Variants in SAGE1 observed in about 807,000 individuals in gnomAD.
SAGE1 encodes the protein sarcoma antigen 1.
A neutral mutation model predicts 55.4 loss-of-function variants in SAGE1; 55 were observed. The ratio of observed to expected loss-of-function variants is 0.99; its 90% CI spans 0.80 to 1.24. The LOEUF (loss-of-function observed/expected upper bound fraction) is 1.24. Ranked by LOEUF, SAGE1 falls within the 50% of genes most tolerant of loss-of-function variation. The pLI is 0.00. For missense variants in SAGE1, 710 were observed against 704.4 expected (o/e 1.01, Z -0.09); for synonymous variants, 240 against 244.3 (o/e 0.98, Z 0.17).
At chrX:135,904,289 G>A (rs191499936) in intron 3 of SAGE1, among the ~76,000 whole-genome samples, 188 bp from the exon 4 acceptor site, 17 of 111,670 alleles carry the variant, frequency 1.5e-4, no homozygotes, top group Admixed American at 6.7e-4. Flanking sequence ...GCATAGTGTC[G>A]TGAGGGAAGA....
chrX:135,908,998 G>C lies in SAGE1; in HGVS notation c.1576G>C (p.Asp526His). 8.3e-7 allele frequency: 1 copy of C among 1,206,811 alleles called. No homozygotes were observed. The highest frequency in any genetic ancestry group is 1.1e-6 in the Non-Finnish European group (1 of 891,767). ...TGGTATTCCATCCATGAGTACCAAGGATCTGTGTATGTCTGTTAATTAGTT... is the reference window on the plus strand; with the variant it reads ...TGGTATTCCATCCATGAGTACCAAGCATCTGTGTATGTCTGTTAATTAGTT... ...AGGIPSMSTK[D>H]LYATVTQNVH... is the part of the protein sequence containing the mutation. Residue 526 changes from aspartate to histidine, a missense_variant, in exon 13 of 20, where the codon GAT becomes CAT. By Grantham distance (81) the Asp-to-His change is moderately conservative (BLOSUM62 -1). Transcript: ENST00000370709.
chrX:135,909,152 T>C, intron 13 of SAGE1, 148 bp downstream of exon 13: 1 of 508,952 alleles, frequency 2.0e-6, no homozygotes, highest in Non-Finnish European at 3.2e-6. Context: ...CTCCCCAGCT[T>C]TCTTAGATAA....
rs782273547 is a variant in SAGE1 at position 135,910,182 on chromosome X, C to T, written c.1864+12C>T. 6 of 1,194,038 alleles carry T rather than the reference C, an allele frequency of 5.0e-6. No individual in the cohort carries two copies. In the Admixed American group the frequency reaches 8.9e-5, roughly 18 times the overall value. On this transcript the variant is annotated intron_variant, in intron 15 of 19. Coordinates refer to ENST00000370709, the MANE Select transcript of SAGE1 (RefSeq NM_001381902.1). ...TACCAGGGATCAGTGTAAGTTTATTCACTTGTTGTACTGTCATACTTGGTT... is the reference window on the plus strand; with the variant it reads ...TACCAGGGATCAGTGTAAGTTTATTTACTTGTTGTACTGTCATACTTGGTT...
chrX:135,911,995 T>A, intron 18 of SAGE1, 42 bp downstream of exon 18: 1 of 1,190,225 alleles, frequency 8.4e-7, no homozygotes, highest in Non-Finnish European at 1.1e-6. Flanking sequence ...GCATGAGAAG[T>A]GTCTCATTCT....
Position 135,905,295 on chromosome X carries a change from T to C in SAGE1, c.357T>C (p.Asn119=). The C allele has an allele frequency of 8.3e-7, 1 of 1,207,813 alleles. No individual in the cohort carries two copies. Among genetic ancestry groups the C allele is most frequent in the Non-Finnish European group, 1.1e-6 (1 of 892,622 alleles). The change falls in exon 5 of 20, where the codon AAT becomes AAC. Residue 119 remains asparagine, a synonymous_variant. Transcript: ENST00000370709. ...ATATCCGTGAAGAGAGGATGGAAAA[T>C]GGCCAATCTCGAACTGACAAAGTCT... is the stretch of plus-strand genomic sequence containing the variant. ...AHNIREERME[N]GQSRTDKVLS...
Position 135,909,735 on chromosome X carries a change from AT to A in SAGE1, c.1682del (p.Leu561Ter). The A allele has an allele frequency of 8.3e-7, 1 of 1,205,255 alleles. No homozygotes were observed. The highest frequency in any genetic ancestry group is 1.1e-6 in the Non-Finnish European group (1 of 891,423). On this transcript the variant is annotated frameshift_variant, in exon 14 of 20. Transcript: ENST00000370709. LOFTEE classifies it high-confidence loss of function. The stretch of plus-strand genomic sequence containing the variant: ...TCAACTGTTCTACCAGGACTTACTT[AT>A]TTGACAGTAGCTGGTATTCCGGCCA... Reference protein sequence around the residue: ...DLSTVLPGLTYLTVAGIPAMS... With the variant: ...DLSTVLPGLTXLTVAGIPAMS...
intron 8 of SAGE1, 84 bp from the exon 9 acceptor site, chrX:135,907,229 T>C (rs1603140292): frequency 9.1e-7 from 1 of 1,095,917 alleles, no homozygotes; most frequent in East Asian, 3.0e-5. Context: ...AATAATTTCT[T>C]AGAAGCTGAG....
intron 13 of SAGE1, 101 bp downstream of exon 13, chrX:135,909,105 T>G: frequency 1.3e-6 from 1 of 767,404 alleles, no homozygotes; most frequent in East Asian, 3.2e-5. Flanking sequence ...TTTCCTAACC[T>G]CAATTTGAGG....
intron 2 of SAGE1, among the ~76,000 whole-genome samples, chrX:135,898,396 A>T (rs1273527417): frequency 2.7e-5 from 3 of 112,252 alleles, no homozygotes; most frequent in Non-Finnish European, 5.6e-5. Flanking sequence ...TCTATCATTG[A>T]TGGGCATTTG....
At chrX:135,909,063 A>G in intron 13 of SAGE1, 59 bp downstream of exon 13, 1 of 1,057,109 alleles carries the variant, frequency 9.5e-7, no homozygotes, top group Non-Finnish European at 1.3e-6. Context: ...GCATATTTTC[A>G]TGAAGGGTAG....
chrX:135,908,609 G>A lies in SAGE1; in HGVS notation c.1433G>A (p.Arg478Lys). ...GCTAGTATTCCAGCAATGAGTTCCA[G>A]GGATCTGTGTATGTGTGTTTTTTAG... Reference protein sequence around the residue: ...AGASIPAMSSRDLYATITHSV... With the variant: ...AGASIPAMSSKDLYATITHSV... Residue 478 changes from arginine to lysine, a missense_variant, in exon 12 of 20, where the codon AGG (arginine) becomes AAG (lysine). Arg to Lys is a conservative substitution (Grantham distance 26). Coordinates refer to ENST00000370709, the MANE Select transcript of SAGE1 (RefSeq NM_001381902.1). 8.4e-7 allele frequency: 1 copy of A among 1,196,934 alleles called. No individual in the cohort carries two copies. The highest frequency in any genetic ancestry group is 1.1e-6 in the Non-Finnish European group (1 of 888,571).
Position 135,908,142 on chromosome X carries a change from A to T in SAGE1, c.1213A>T (p.Thr405Ser), listed in dbSNP as rs1556603261. Residue 405 changes from threonine (T) to serine (S), a missense_variant, in exon 11 of 20, where the codon ACC becomes TCC. Transcript: ENST00000370709. ...REEKKDNSQPTPDNVLSAVTP... is the reference protein window; with the variant it reads ...REEKKDNSQPSPDNVLSAVTP... ...AGAGAAGAAAGATAACAGCCAACCA[A>T]CCCCTGATAACGTCTTGTCAGCTGT... The T allele has an allele frequency of 8.3e-7, 1 of 1,207,313 alleles. No homozygotes were observed. The highest frequency in any genetic ancestry group is 1.1e-6 in the Non-Finnish European group (1 of 892,921).
Position 135,910,513 on chromosome X carries a change from A to G in SAGE1, c.1963A>G (p.Met655Val), listed in dbSNP as rs1358988397. The change falls in exon 16 of 20, where the codon ATG becomes GTG. Residue 655 changes from methionine (M) to valine (V), a missense_variant. Coordinates refer to ENST00000370709, the MANE Select transcript of SAGE1 (RefSeq NM_001381902.1). ...LSTAPPWLRH[M>V]AAAGISSTIT... ...AACTGCTCCTCCATGGCTTCGTCAT[A>G]TGGCAGCAGCTGGAATTTCATCCAC... 8.3e-7 allele frequency: 1 copy of G among 1,209,193 alleles called. No homozygotes were observed. Among genetic ancestry groups the G allele is most frequent in the Non-Finnish European group, 1.1e-6 (1 of 894,345 alleles).
rs1556601687 is a variant in SAGE1 at position 135,906,895 on chromosome X, T to C, written c.737-31T>C. The C allele has an allele frequency of 5.0e-6, 6 of 1,197,443 alleles. No homozygotes were observed. In the Admixed American group the frequency reaches 8.9e-5, roughly 18 times the overall value. Reference sequence around the variant, plus strand: ...GTGGGGTTACCATAATACACTTACCTAACAGCTCAGCCTCTTCATTTGGTT... The same window carrying C: ...GTGGGGTTACCATAATACACTTACCCAACAGCTCAGCCTCTTCATTTGGTT... On this transcript the variant is annotated intron_variant, in intron 7 of 19. Transcript: ENST00000370709.
intron 1 of SAGE1, among the ~76,000 whole-genome samples, chrX:135,894,092 C>T (rs1556591830): frequency 9.0e-6 from 1 of 111,295 alleles, no homozygotes. Context: ...CGGAGTTTCA[C>T]TCTTGTTGTT....
intron 1 of SAGE1, among the ~76,000 whole-genome samples, chrX:135,895,893 G>T (rs181464263): frequency 8.6e-4 from 96 of 111,277 alleles, no homozygotes; most frequent in Non-Finnish European, 1.4e-3. Context: ...TTTTTAGTTG[G>T]GATGGTGGTA....
intron 5 of SAGE1, 113 bp from the exon 6 acceptor site, chrX:135,905,911 T>C: frequency 1.5e-6 from 1 of 678,927 alleles, no homozygotes; most frequent in Admixed American, 3.3e-5. Context: ...CCACCTGATA[T>C]GTCCTCCTGG....
intron 7 of SAGE1, 75 bp from the exon 8 acceptor site, chrX:135,906,851 G>GATAATTTCCTAAAAATTCAT: frequency 1.9e-6 from 2 of 1,066,413 alleles, no homozygotes; most frequent in Admixed American, 2.7e-5. Flanking sequence ...TAGAAACTGA[G>GATAATTTCCTAAAAATTCAT]CATCAGAGGG....
chrX:135,907,869 C>T, intron 10 of SAGE1, 28 bp downstream of exon 10: 1 of 1,191,420 alleles, frequency 8.4e-7, no homozygotes, highest in South Asian at 1.8e-5. Context: ...TTGTGGTGTC[C>T]TACTTGGTTT....
Sources: allele counts gnomAD v4.1 joint callset (sites outside exome capture counted in the v4.1 genomes callset), GRCh38; gene constraint gnomAD v4.1.1; transcripts MANE v1.5; gene names NCBI Gene and HGNC (gene_info 2026-07-23, HGNC 2026-07-21).